Variants in TENM2 observed in about 807,000 individuals in gnomAD.
The protein encoded by TENM2 is teneurin transmembrane protein 2.
In TENM2, 52 loss-of-function variants were observed where a neutral mutation model predicts 245.2. The ratio of observed to expected loss-of-function variants is 0.21; its 90% CI spans 0.17 to 0.27. The LOEUF is 0.27. Ranked by LOEUF, TENM2 falls within the 10% of genes least tolerant of loss-of-function variation. The pLI is 1.00. For missense variants in TENM2, 3,046 were observed against 3,666.8 expected (o/e 0.83, Z 4.37); for synonymous variants, 1,363 against 1,438.9 (o/e 0.95, Z 1.19).
chr5:167,704,405 C>T (rs1177353734), intron 2 of TENM2, among the ~76,000 whole-genome samples: 1 of 152,140 alleles, frequency 6.6e-6, no homozygotes, highest in Non-Finnish European at 1.5e-5. Flanking sequence ...GCCATTCCTA[C>T]TCATTCATTT....
At chr5:167,612,570 A>T (rs1387967558) in intron 2 of TENM2, among the ~76,000 whole-genome samples, 1 of 152,160 alleles carries the variant, frequency 6.6e-6, no homozygotes, top group Non-Finnish European at 1.5e-5. Context: ...AAATAACTTT[A>T]AAAGGTTGTA....
At chr5:168,216,911 G>A (rs1405795267) in exon 22 of TENM2, 2 of 1,613,948 alleles carry the variant, frequency 1.2e-6, no homozygotes, top group Admixed American at 1.7e-5. Flanking sequence ...TTCCAGCATG[G>A]ATGTAGCCCA....
intron 2 of TENM2, among the ~76,000 whole-genome samples, chr5:167,556,915 G>A (rs1192762308): frequency 6.6e-6 from 1 of 152,180 alleles, no homozygotes; most frequent in African/African-American, 2.4e-5. Context: ...GGACAGCCCT[G>A]CATGTTAGCA....
chr5:168,226,060 G>A (rs752445081), intron 23 of TENM2, 28 bp from the exon 26 acceptor site: 3 of 1,600,902 alleles, frequency 1.9e-6, no homozygotes, highest in African/African-American at 2.7e-5. Context: ...GCTAACCAGG[G>A]TTTATCTATC....
intron 2 of TENM2, among the ~76,000 whole-genome samples, chr5:167,636,693 A>G (rs189249980): frequency 6.6e-6 from 1 of 152,238 alleles, no homozygotes; most frequent in African/African-American, 2.4e-5. Flanking sequence ...CATGCATAAC[A>G]GTTGTGATTG....
At chr5:168,161,700 A>G (rs1757752932) in intron 12 of TENM2, among the ~76,000 whole-genome samples, 1 of 151,852 alleles carries the variant, frequency 6.6e-6, no homozygotes, top group African/African-American at 2.4e-5. Flanking sequence ...TTTCTCCCCC[A>G]GTCTCCCTTT....
the TENM2 span, among the ~76,000 whole-genome samples, chr5:167,091,405 A>G: frequency 6.6e-6 from 1 of 152,214 alleles, no homozygotes; most frequent in Admixed American, 6.5e-5. Context: ...TGATATACTT[A>G]TAGTACAGAT....
At chr5:167,639,005 A>C (rs1215572004) in intron 2 of TENM2, among the ~76,000 whole-genome samples, 1 of 152,258 alleles carries the variant, frequency 6.6e-6, no homozygotes, top group Non-Finnish European at 1.5e-5. Context: ...AAAGTCCAAC[A>C]GCTGTGAGTA....
At chr5:167,342,268 G>GT (rs1431209474) in intron 1 of TENM2, among the ~76,000 whole-genome samples, 1 of 152,046 alleles carries the variant, frequency 6.6e-6, no homozygotes, top group Non-Finnish European at 1.5e-5. Context: ...CACCATGGCA[G>GT]TTTTGAGGAG....
chr5:167,098,810 A>T, the TENM2 span, among the ~76,000 whole-genome samples: 1 of 152,226 alleles, frequency 6.6e-6, no homozygotes, highest in African/African-American at 2.4e-5. Context: ...GCTAAGCATG[A>T]CGCTTTCCAT....
chr5:167,440,699 A>T (rs963485646), intron 2 of TENM2, among the ~76,000 whole-genome samples: 1 of 152,062 alleles, frequency 6.6e-6, no homozygotes, highest in Non-Finnish European at 1.5e-5. Context: ...TATGTCTTCT[A>T]TCTTCCCAGT....
the TENM2 span, among the ~76,000 whole-genome samples, chr5:167,038,002 C>T: frequency 2.6e-5 from 4 of 152,164 alleles, no homozygotes; most frequent in Admixed American, 6.5e-5. Context: ...TTTCTCTGCC[C>T]ACTTTGTGGG....
chr5:167,870,552 T>C (rs1310692060), intron 2 of TENM2, among the ~76,000 whole-genome samples: 1 of 129,472 alleles, frequency 7.7e-6, no homozygotes, highest in Non-Finnish European at 1.6e-5. Context: ...AGAATGTGTA[T>C]ACATATATAT....
intron 2 of TENM2, among the ~76,000 whole-genome samples, chr5:167,669,438 A>G (rs1582702696): frequency 1.3e-5 from 2 of 152,340 alleles, no homozygotes; most frequent in South Asian, 4.1e-4. Context: ...CATCAGACTG[A>G]TGGTTCTATC....
chr5:168,140,844 C>G (rs1755482874), intron 12 of TENM2, among the ~76,000 whole-genome samples: 1 of 152,146 alleles, frequency 6.6e-6, no homozygotes, highest in Non-Finnish European at 1.5e-5. Flanking sequence ...ACGGCCCTCT[C>G]TCAGGCTACT....
intron 2 of TENM2, among the ~76,000 whole-genome samples, chr5:167,437,997 C>G (rs758156514): frequency 1.6e-4 from 25 of 152,318 alleles, no homozygotes; most frequent in Non-Finnish European, 2.8e-4. Flanking sequence ...GAACACATCT[C>G]TTTAACACAG....
rs182261836 is a variant in TENM2 at position 167,458,727 on chromosome 5, A to G, written c.502+83254A>G. Among the ~76,000 whole-genome samples, 489 of 152,300 alleles carry G rather than the reference A, an allele frequency of 3.2e-3. 8 individuals are homozygous for G. The highest frequency in any genetic ancestry group is 0.026 in the Admixed American group (398 of 15,298). ...CAGACAGTTTTCTAACTGCTTTATT[A>G]TATAAACACATTTTATCCTTACAAC... On this transcript the variant is annotated intron_variant, in intron 2 of 28. Coordinates refer to ENST00000518659, the Ensembl canonical transcript of TENM2.
the TENM2 span, among the ~76,000 whole-genome samples, chr5:167,172,097 C>G: frequency 6.6e-6 from 1 of 152,110 alleles, no homozygotes; most frequent in South Asian, 2.1e-4. Context: ...CGTGTCTTCT[C>G]CAAACAGCAG....
At chr5:167,026,139 A>G in the TENM2 span, among the ~76,000 whole-genome samples, 219 of 152,332 alleles carry the variant, frequency 1.4e-3, no homozygotes, top group Non-Finnish European at 2.5e-3. Flanking sequence ...TGTATTCTGT[A>G]TCTGAGTCAG....
Sources: gnomAD v4.1 joint callset for allele counts (sites outside exome capture counted in the v4.1 genomes callset) on GRCh38, gnomAD v4.1.1 for gene constraint, MANE v1.5 for transcripts, NCBI Gene and HGNC (gene_info 2026-07-23, HGNC 2026-07-21) for gene names.